PLCB4: variants seen among roughly 807,000 people sequenced by gnomAD.
The protein encoded by PLCB4 is phospholipase C beta 4.
PLCB4 carries 77 observed loss-of-function variants against 178.8 expected under a neutral mutation model. The ratio of observed to expected loss-of-function variants is 0.43; its 90% confidence interval spans 0.36 to 0.52. The LOEUF is 0.52. Among genes scored for constraint, PLCB4 ranks in the 20% least tolerant of loss-of-function variants. PLCB4 has a pLI of 0.00. For missense variants in PLCB4, 1,024 were observed against 1,453.4 expected (o/e 0.70, Z 4.80); for synonymous variants, 496 against 490.8 (o/e 1.01, Z -0.14).
intron 2 of PLCB4, among the ~76,000 whole-genome samples, chr20:9,187,030 A>G (rs2093338139): frequency 6.6e-6 from 1 of 152,128 alleles, no homozygotes. Flanking sequence ...GCTGGAGTGC[A>G]GTGGCGTGAT....
intron 4 of PLCB4, among the ~76,000 whole-genome samples, chr20:9,332,382 T>A (rs149965040): frequency 1.9e-4 from 29 of 152,012 alleles, no homozygotes; most frequent in African/African-American, 6.8e-4. Context: ...GAGGGTAGGG[T>A]TATTATGTTT....
At chr20:9,330,502 T>A (rs1045866358) in intron 4 of PLCB4, among the ~76,000 whole-genome samples, 1 of 152,172 alleles carries the variant, frequency 6.6e-6, no homozygotes, top group Non-Finnish European at 1.5e-5. Flanking sequence ...TTGGTCAAGT[T>A]TGCCCAAGTC....
intron 35 of PLCB4, among the ~76,000 whole-genome samples, chr20:9,460,085 A>G (rs1602983174): frequency 6.6e-6 from 1 of 152,042 alleles, no homozygotes; most frequent in East Asian, 1.9e-4. Flanking sequence ...ACATAGCAAG[A>G]CCCCATCTCT....
intron 3 of PLCB4, chr20:9,280,588 T>C: frequency 3.2e-6 from 1 of 308,096 alleles, no homozygotes; most frequent in Non-Finnish European, 4.7e-6. Flanking sequence ...GATGCCTGCC[T>C]TGCTTGGATT....
intron 25 of PLCB4, among the ~76,000 whole-genome samples, chr20:9,416,432 CT>C (rs1413814050): frequency 3.9e-5 from 6 of 152,180 alleles, no homozygotes; most frequent in African/African-American, 1.4e-4. Flanking sequence ...GGCAGAATCC[CT>C]CATTTGCCAC....
At chr20:9,177,123 G>A (rs138059958) in intron 2 of PLCB4, among the ~76,000 whole-genome samples, 125 of 152,240 alleles carry the variant, frequency 8.2e-4, no homozygotes, top group African/African-American at 2.8e-3. Flanking sequence ...GCCCCATGGA[G>A]ACAGAAAAAG....
intron 3 of PLCB4, among the ~76,000 whole-genome samples, chr20:9,284,948 AT>A (rs1002889270): frequency 1.3e-5 from 2 of 151,940 alleles, no homozygotes; most frequent in African/African-American, 2.4e-5. Flanking sequence ...AGTTATTTAA[AT>A]TGCAATGGCC....
intron 3 of PLCB4, among the ~76,000 whole-genome samples, chr20:9,232,138 G>C (rs78086995): frequency 0.036 from 5,422 of 152,208 alleles, 143 homozygotes; most frequent in African/African-American, 0.065. Flanking sequence ...ATCAGTGGTT[G>C]CTTACATCTG....
chr20:9,083,222 C>G (rs2090241322), intron 1 of PLCB4, among the ~76,000 whole-genome samples: 1 of 152,180 alleles, frequency 6.6e-6, no homozygotes, highest in South Asian at 2.1e-4. Flanking sequence ...CCATTTCCTT[C>G]TAGAGGTGAC....
intron 3 of PLCB4, among the ~76,000 whole-genome samples, chr20:9,234,905 C>T (rs1330033341): frequency 6.6e-6 from 1 of 152,156 alleles, no homozygotes; most frequent in African/African-American, 2.4e-5. Context: ...TGTCCTCATG[C>T]ATTTAAAGTA....
At chr20:9,149,790 A>G (rs1280388280) in intron 2 of PLCB4, among the ~76,000 whole-genome samples, 1 of 152,154 alleles carries the variant, frequency 6.6e-6, no homozygotes, top group East Asian at 1.9e-4. Flanking sequence ...TGGGAAACAA[A>G]CTCCCAACTG....
At chr20:9,464,595 G>C (rs1021839306) in intron 35 of PLCB4, among the ~76,000 whole-genome samples, 1 of 152,082 alleles carries the variant, frequency 6.6e-6, no homozygotes, top group East Asian at 1.9e-4. Flanking sequence ...AATGATAAAA[G>C]AGATATCACC....
chr20:9,095,354 C>T lies in PLCB4; in HGVS notation c.-134-933C>T, dbSNP rs1464439298. ...CTTTGGAGCTCTTTTGGGTCAGAAT[C>T]CTGGTCATTGTTTTTGAATCTATAT... On this transcript the variant is annotated intron_variant, in intron 1 of 39. Coordinates refer to ENST00000378473, the MANE Select transcript of PLCB4 (RefSeq NM_001377142.1). 2.0e-5 allele frequency among the ~76,000 whole-genome samples: 3 copies of T among 152,238 alleles called. No homozygotes were observed. In the South Asian group the frequency reaches 6.2e-4, roughly 32 times the overall value.
chr20:9,444,098 G>C, intron 31 of PLCB4, 68 bp downstream of exon 31: 1 of 1,437,146 alleles, frequency 7.0e-7, no homozygotes. Context: ...ATATATTTTT[G>C]TTTCTCACCA....
chr20:9,152,901 C>T (rs1035846852), intron 2 of PLCB4, among the ~76,000 whole-genome samples: 2 of 152,162 alleles, frequency 1.3e-5, no homozygotes, highest in Non-Finnish European at 2.9e-5. Context: ...TGCCCAAGAC[C>T]ATGGGAACAT....
intron 32 of PLCB4, among the ~76,000 whole-genome samples, chr20:9,448,548 G>C (rs1326731449): frequency 2.6e-5 from 4 of 152,040 alleles, no homozygotes; most frequent in Middle Eastern, 3.4e-3. Context: ...GCCACATGCA[G>C]CTTAGGATGG....
chr20:9,401,462 A>G (rs1173229227), intron 19 of PLCB4, 28 bp from the exon 20 acceptor site: 1 of 1,515,248 alleles, frequency 6.6e-7, no homozygotes, highest in East Asian at 2.3e-5. Flanking sequence ...GTTTGGTGTC[A>G]TGGATTTTCC....
chr20:9,312,954 A>G (rs1431476914), intron 4 of PLCB4, among the ~76,000 whole-genome samples: 1 of 152,338 alleles, frequency 6.6e-6, no homozygotes, highest in East Asian at 1.9e-4. Flanking sequence ...TAAACTTCGA[A>G]GAATCTATGT....
At chr20:9,252,986 G>A (rs770698939) in intron 3 of PLCB4, among the ~76,000 whole-genome samples, 9 of 152,108 alleles carry the variant, frequency 5.9e-5, no homozygotes, top group South Asian at 2.1e-4. Context: ...CTCAGCCTCC[G>A]TGATCATGTG....
Sources: allele counts gnomAD v4.1 joint callset (sites outside exome capture counted in the v4.1 genomes callset), GRCh38; gene constraint gnomAD v4.1.1; transcripts MANE v1.5; gene names NCBI Gene and HGNC (gene_info 2026-07-23, HGNC 2026-07-21).